CHSY3: variants seen among roughly 807,000 people sequenced by gnomAD.
CHSY3 encodes the protein N-acetylgalactosaminyl-proteoglycan 3-beta-glucuronosyltransferase 3.
A neutral mutation model predicts 67.2 loss-of-function variants in CHSY3; 35 were observed. The observed-to-expected ratio is 0.52, with a 90% CI of 0.40 to 0.69. The LOEUF (loss-of-function observed/expected upper bound fraction) is 0.69. CHSY3 is among the 30% of genes least tolerant of loss of function. The probability of loss-of-function intolerance (pLI) is 0.00; values close to 1 mark genes in which losing one functional copy is unlikely to be tolerated. For synonymous variants in CHSY3, 474 were observed against 434.7 expected (o/e 1.09, Z -1.12); for missense variants, 1,069 against 1,138.5 (o/e 0.94, Z 0.88).
intron 2 of CHSY3, among the ~76,000 whole-genome samples, chr5:129,917,812 T>C (rs1454575495): frequency 1.3e-5 from 2 of 152,202 alleles, no homozygotes; most frequent in Non-Finnish European, 2.9e-5. Flanking sequence ...AAAATTCTGA[T>C]GCTGGACCCC....
intron 2 of CHSY3, among the ~76,000 whole-genome samples, chr5:130,080,266 C>T (rs187394799): frequency 2.6e-5 from 4 of 152,172 alleles, no homozygotes; most frequent in African/African-American, 9.6e-5. Flanking sequence ...ACCCATCTCT[C>T]TGTGTGACCA....
chr5:130,159,153 A>G (rs1357561714), intron 2 of CHSY3, among the ~76,000 whole-genome samples: 1 of 135,764 alleles, frequency 7.4e-6, no homozygotes, highest in Non-Finnish European at 1.6e-5. Flanking sequence ...TTCTGCATTA[A>G]GATTTGTCTT....
intron 2 of CHSY3, among the ~76,000 whole-genome samples, chr5:130,070,846 G>A (rs1259292097): frequency 6.6e-6 from 1 of 152,028 alleles, no homozygotes; most frequent in African/African-American, 2.4e-5. Context: ...AACACAGTAA[G>A]AACAGTGATA....
At chr5:130,118,028 A>G (rs937109258) in intron 2 of CHSY3, among the ~76,000 whole-genome samples, 9 of 152,048 alleles carry the variant, frequency 5.9e-5, no homozygotes, top group African/African-American at 1.7e-4. Flanking sequence ...TTAAAAGAAC[A>G]TGCCACTCCC....
At chr5:130,111,009 C>A (rs1767576764) in intron 2 of CHSY3, among the ~76,000 whole-genome samples, 1 of 151,668 alleles carries the variant, frequency 6.6e-6, no homozygotes, top group South Asian at 2.1e-4. Flanking sequence ...CATTTAATTT[C>A]TTATGTTGGC....
intron 2 of CHSY3, among the ~76,000 whole-genome samples, chr5:130,120,486 GAAAAAA>G (rs34727574): frequency 5.2e-5 from 5 of 95,834 alleles, no homozygotes; most frequent in Non-Finnish European, 8.8e-5. Context: ...ATTTCTGAAA[GAAAAAA>G]AAAAAAAAAA....
intron 2 of CHSY3, among the ~76,000 whole-genome samples, chr5:130,004,390 C>G (rs1380596124): frequency 1.3e-5 from 2 of 152,070 alleles, no homozygotes; most frequent in Non-Finnish European, 2.9e-5. Flanking sequence ...TGATATATTT[C>G]TGTTACTTTG....
chr5:130,074,064 A>AT (rs916443134), intron 2 of CHSY3, among the ~76,000 whole-genome samples: 3 of 147,076 alleles, frequency 2.0e-5, no homozygotes, highest in Non-Finnish European at 4.4e-5. Flanking sequence ...AATACAAGTT[A>AT]TTTTTTTGTT....
chr5:129,905,960 A>C, intron 1 of CHSY3: 1 of 345,382 alleles, frequency 2.9e-6, no homozygotes, highest in South Asian at 6.6e-5. Flanking sequence ...ACCAAAGGCC[A>C]TTCCCACTCT....
At chr5:130,155,560 C>T (rs1769355911) in intron 2 of CHSY3, among the ~76,000 whole-genome samples, 1 of 152,202 alleles carries the variant, frequency 6.6e-6, no homozygotes, top group Non-Finnish European at 1.5e-5. Context: ...CTTTGCATAT[C>T]CCTATCCTCT....
intron 2 of CHSY3, chr5:130,140,369 C>T: frequency 1.6e-6 from 1 of 619,296 alleles, no homozygotes; most frequent in Non-Finnish European, 2.9e-6. Context: ...AGCTTCTATC[C>T]AGAGGAAGTG....
chr5:129,904,823 A>C lies in CHSY3; in HGVS notation c.-7A>C. Reference sequence around the variant, plus strand: ...CCCAGCGAGCGTCCGCGCCCGGGACAGCCGCGATGGCTGTGCGCTCTCGCC... The same window carrying C: ...CCCAGCGAGCGTCCGCGCCCGGGACCGCCGCGATGGCTGTGCGCTCTCGCC... On this transcript the variant is annotated 5_prime_UTR_variant, in exon 1 of 3. Transcript: ENST00000305031. 1 of 1,401,150 alleles carries C rather than the reference A, an allele frequency of 7.1e-7. No homozygotes were observed. The highest frequency in any genetic ancestry group is 9.3e-7 in the Non-Finnish European group (1 of 1,075,238). The allele number at this position is 1,401,150 out of a possible 1,614,324, so 86.8% of individuals were successfully genotyped here.
chr5:130,141,563 T>C (rs1580775300), intron 2 of CHSY3: 1 of 424,702 alleles, frequency 2.4e-6, no homozygotes, highest in East Asian at 5.6e-5. Context: ...AAGGAAGACA[T>C]TGAATGTATG....
At chr5:129,944,374 C>G (rs1235790842) in intron 2 of CHSY3, among the ~76,000 whole-genome samples, 3 of 152,120 alleles carry the variant, frequency 2.0e-5, no homozygotes, top group Non-Finnish European at 4.4e-5. Flanking sequence ...GATAAAGTCA[C>G]TCATTTGGGA....
chr5:130,074,921 A>G (rs1357150273), intron 2 of CHSY3, among the ~76,000 whole-genome samples: 1 of 152,110 alleles, frequency 6.6e-6, no homozygotes, highest in Non-Finnish European at 1.5e-5. Flanking sequence ...TAATTGCCAC[A>G]TGACTTCAGA....
At chr5:129,913,825 GACTA>G (rs1208959820) in intron 2 of CHSY3, among the ~76,000 whole-genome samples, 4 of 152,056 alleles carry the variant, frequency 2.6e-5, no homozygotes. Flanking sequence ...TATTTCATAA[GACTA>G]ACTAGATTTT....
chr5:130,020,447 ATATATATATATATATTTTTT>A (rs1426750598), intron 2 of CHSY3, among the ~76,000 whole-genome samples: 1,708 of 37,346 alleles, frequency 0.046, 92 homozygotes, highest in African/African-American at 0.17. Flanking sequence ...ATATATATAT[ATATATATATATATATTTTTT>A]TTTTTTTTTT....
At chr5:130,000,060 G>A (rs1187811202) in intron 2 of CHSY3, among the ~76,000 whole-genome samples, 1 of 152,188 alleles carries the variant, frequency 6.6e-6, no homozygotes, top group Non-Finnish European at 1.5e-5. Context: ...ACTTTGAACA[G>A]TGGTAAAAAG....
rs74818957 is a variant in CHSY3, at chr5:130,015,952, G to A, written c.1086+107592G>A. ...TGACAGCAGCATGGATGCAGCTGGCGGCCATTATCTTAAGTGAATTAATGC... is the reference window on the plus strand; with the variant it reads ...TGACAGCAGCATGGATGCAGCTGGCAGCCATTATCTTAAGTGAATTAATGC... On this transcript the variant is annotated intron_variant, in intron 2 of 2. Transcript: ENST00000305031. Among the ~76,000 whole-genome samples the A allele has an allele frequency of 7.3e-3, 1,112 of 152,182 alleles. 12 individuals carry two copies. Among genetic ancestry groups the A allele is most frequent in the African/African-American group, 0.025 (1,053 of 41,508 alleles).
Sources: gnomAD v4.1 joint callset for allele counts (sites outside exome capture counted in the v4.1 genomes callset) on GRCh38, gnomAD v4.1.1 for gene constraint, MANE v1.5 for transcripts, NCBI Gene and HGNC (gene_info 2026-07-23, HGNC 2026-07-21) for gene names.